The following MDGA2 variants were observed in gnomAD, a reference collection of about 807,000 sequenced individuals.
MDGA2 encodes the protein MAM domain-containing glycosylphosphatidylinositol anchor protein 2.
A neutral mutation model predicts 117.8 loss-of-function variants in MDGA2; 40 were observed. The ratio of observed to expected loss-of-function variants is 0.34; its 90% CI spans 0.26 to 0.44. The LOEUF (loss-of-function observed/expected upper bound fraction) is 0.44. MDGA2 is among the 20% of genes least tolerant of loss of function. The probability of loss-of-function intolerance (pLI) is 1.00; values close to 1 mark genes in which losing one functional copy is unlikely to be tolerated. For missense variants in MDGA2, 1,123 were observed against 1,250.6 expected (o/e 0.90, Z 1.54); for synonymous variants, 452 against 439.0 (o/e 1.03, Z -0.37).
intron 1 of MDGA2, among the ~76,000 whole-genome samples, chr14:47,386,358 T>C (rs981804740): frequency 7.2e-5 from 11 of 152,196 alleles, no homozygotes; most frequent in Admixed American, 7.2e-4. Flanking sequence ...TAAAAACTCA[T>C]TATGGTTAAT....
At chr14:47,387,402 G>A (rs572482950) in intron 1 of MDGA2, among the ~76,000 whole-genome samples, 10 of 148,582 alleles carry the variant, frequency 6.7e-5, no homozygotes, top group African/African-American at 1.7e-4. Context: ...ACCCTATCAC[G>A]CACTCGGATC....
intron 1 of MDGA2, among the ~76,000 whole-genome samples, chr14:47,440,397 C>T (rs1221744973): frequency 6.6e-6 from 1 of 152,120 alleles, no homozygotes; most frequent in African/African-American, 2.4e-5. Context: ...TTCCCTGTGC[C>T]ATTTCCTCAC....
At chr14:47,053,670 CAT>C (rs1238733281) in intron 7 of MDGA2, among the ~76,000 whole-genome samples, 69 of 137,540 alleles carry the variant, frequency 5.0e-4, no homozygotes, top group Middle Eastern at 4.0e-3. Context: ...CACACACACA[CAT>C]ATATATATAC....
At chr14:47,659,818 A>G (rs1897812011) in intron 1 of MDGA2, among the ~76,000 whole-genome samples, 2 of 152,042 alleles carry the variant, frequency 1.3e-5, no homozygotes. Context: ...AATCTATTAA[A>G]CTCTTATGAA....
At chr14:47,547,556 ACAGT>A (rs1895488581) in intron 1 of MDGA2, among the ~76,000 whole-genome samples, 1 of 152,224 alleles carries the variant, frequency 6.6e-6, no homozygotes, top group South Asian at 2.1e-4. Flanking sequence ...AGTAAGGGTG[ACAGT>A]CAGAGAAACT....
At chr14:47,283,762 A>G (rs887093256) in intron 2 of MDGA2, among the ~76,000 whole-genome samples, 2 of 152,222 alleles carry the variant, frequency 1.3e-5, no homozygotes, top group Non-Finnish European at 2.9e-5. Context: ...ATAATAACAA[A>G]AATTAACCAC....
At chr14:47,654,742 A>G (rs980991477) in intron 1 of MDGA2, among the ~76,000 whole-genome samples, 3 of 152,090 alleles carry the variant, frequency 2.0e-5, no homozygotes, top group African/African-American at 7.2e-5. Flanking sequence ...TTAAGTTACA[A>G]ATTAACCCAG....
intron 3 of MDGA2, among the ~76,000 whole-genome samples, chr14:47,214,006 G>A (rs554987247): frequency 2.6e-5 from 4 of 152,122 alleles, no homozygotes; most frequent in South Asian, 2.1e-4. Context: ...GAAAAGTACC[G>A]AGCGAAGAGG....
intron 9 of MDGA2, 80 bp downstream of exon 9, chr14:46,957,294 C>T (rs901204858): frequency 7.3e-7 from 1 of 1,365,936 alleles, no homozygotes; most frequent in Non-Finnish European, 9.9e-7. Context: ...CAAATGTTTT[C>T]ATTCTTATAT....
intron 1 of MDGA2, among the ~76,000 whole-genome samples, chr14:47,366,095 C>G (rs1594819074): frequency 6.6e-6 from 1 of 152,146 alleles, no homozygotes. Flanking sequence ...CTTCCAGTAA[C>G]TGCAGTTCTG....
chr14:47,087,315 G>A (rs1420572582), intron 6 of MDGA2, among the ~76,000 whole-genome samples: 7 of 151,646 alleles, frequency 4.6e-5, no homozygotes, highest in African/African-American at 1.2e-4. Context: ...AGGTGTTCGA[G>A]ACCAGCCTGG....
chr14:47,290,242 G>A (rs1367776528), intron 2 of MDGA2, among the ~76,000 whole-genome samples: 2 of 152,042 alleles, frequency 1.3e-5, no homozygotes, highest in East Asian at 3.9e-4. Flanking sequence ...TAGGTCACAA[G>A]GGTAGAGACC....
intron 1 of MDGA2, among the ~76,000 whole-genome samples, chr14:47,309,231 T>C (rs527689581): frequency 6.6e-6 from 1 of 152,316 alleles, no homozygotes; most frequent in East Asian, 1.9e-4. Flanking sequence ...CAGATCATTT[T>C]ATTTGTTTGA....
At chr14:47,436,423 T>C (rs905458586) in intron 1 of MDGA2, among the ~76,000 whole-genome samples, 1 of 152,214 alleles carries the variant, frequency 6.6e-6, no homozygotes, top group Admixed American at 6.5e-5. Context: ...AATGGCATTT[T>C]CTTTTCAAGG....
chr14:46,925,195 A>G (rs1884280149), intron 9 of MDGA2, among the ~76,000 whole-genome samples: 1 of 152,228 alleles, frequency 6.6e-6, no homozygotes, highest in Admixed American at 6.5e-5. Context: ...CTGTCAACTT[A>G]AAGCGCAGAG....
intron 8 of MDGA2, among the ~76,000 whole-genome samples, chr14:47,032,651 C>T (rs879753925): frequency 2.0e-5 from 3 of 152,106 alleles, no homozygotes; most frequent in Non-Finnish European, 2.9e-5. Flanking sequence ...ATCTGAATTC[C>T]TGTACTATTA....
chr14:47,128,275 T>C (rs1006390065), intron 5 of MDGA2, among the ~76,000 whole-genome samples: 1 of 152,118 alleles, frequency 6.6e-6, no homozygotes, highest in African/African-American at 2.4e-5. Flanking sequence ...TATGTTCCTA[T>C]AGTTATAAAA....
rs138941180 is a variant in MDGA2, at chr14:47,356,684, A to G, written c.281-55134T>C. Among the ~76,000 whole-genome samples the G allele has an allele frequency of 4.0e-3, 615 of 152,324 alleles. 2 individuals carry two copies. Among genetic ancestry groups the G allele is most frequent in the African/African-American group, 0.014 (594 of 41,566 alleles). On this transcript the variant is annotated intron_variant, in intron 1 of 16. Coordinates refer to ENST00000399232, the MANE Select transcript of MDGA2 (RefSeq NM_001113498.3). ...CCTCACCCCTAAGGGCAATGTCACC[A>G]TGAAAGTAGACCTCATTTATTTAAA... is the stretch of plus-strand genomic sequence containing the variant.
chr14:47,545,041 A>G (rs766661621), intron 1 of MDGA2, among the ~76,000 whole-genome samples: 2 of 152,196 alleles, frequency 1.3e-5, no homozygotes, highest in Non-Finnish European at 2.9e-5. Context: ...AAGAAGAATC[A>G]TTTTCATTAT....
Sources: allele counts gnomAD v4.1 joint callset (sites outside exome capture counted in the v4.1 genomes callset), GRCh38; gene constraint gnomAD v4.1.1; transcripts MANE v1.5; gene names NCBI Gene and HGNC (gene_info 2026-07-23, HGNC 2026-07-21).